The following PTPRD variants were observed in gnomAD, a reference collection of about 807,000 sequenced individuals.
PTPRD encodes the protein protein tyrosine phosphatase receptor type D.
PTPRD carries 34 observed loss-of-function variants against 214.5 expected under a neutral mutation model. The ratio of observed to expected loss-of-function variants is 0.16; its 90% CI spans 0.12 to 0.21. PTPRD has a LOEUF of 0.21. Ranked by LOEUF, PTPRD falls within the 10% of genes least tolerant of loss-of-function variation. The pLI is 1.00. For missense variants in PTPRD, 2,545 were observed against 2,398.7 expected (o/e 1.06, Z -1.27); for synonymous variants, 1,128 against 845.7 (o/e 1.33, Z -5.79).
intron 12 of PTPRD, among the ~76,000 whole-genome samples, chr9:8,674,236 G>A (rs1029655757): frequency 6.6e-5 from 10 of 152,044 alleles, no homozygotes; most frequent in Non-Finnish European, 1.5e-4. Context: ...GAGGCAGGCA[G>A]ATCACAAAGT....
chr9:9,987,774 C>T (rs1588235885), intron 4 of PTPRD, among the ~76,000 whole-genome samples: 1 of 152,156 alleles, frequency 6.6e-6, no homozygotes, highest in South Asian at 2.1e-4. Context: ...TACCTAGCAG[C>T]ATAGTAATGT....
chr9:8,504,450 C>G (rs762600803), intron 22 of PTPRD, 45 bp from the exon 23 acceptor site: 2 of 1,606,748 alleles, frequency 1.2e-6, no homozygotes, highest in Non-Finnish European at 1.7e-6. Context: ...AAGGTTCATG[C>G]AAATACTTTT....
chr9:10,112,893 T>C (rs571986068), intron 3 of PTPRD, among the ~76,000 whole-genome samples: 24 of 152,356 alleles, frequency 1.6e-4, no homozygotes, highest in African/African-American at 5.1e-4. Flanking sequence ...ACCAGTTCTC[T>C]GGTATTTTAG....
chr9:8,475,920 T>G (rs1651358587), intron 30 of PTPRD, among the ~76,000 whole-genome samples: 1 of 152,168 alleles, frequency 6.6e-6, no homozygotes. Context: ...TCTCTGAAAT[T>G]TTCAATTCAC....
intron 44 of PTPRD, among the ~76,000 whole-genome samples, chr9:8,324,227 T>A (rs955271591): frequency 1.3e-5 from 2 of 151,938 alleles, no homozygotes; most frequent in African/African-American, 4.8e-5. Context: ...ATTAGGTATA[T>A]CTCCTGATGC....
chr9:9,002,918 T>C (rs374430544), intron 11 of PTPRD, among the ~76,000 whole-genome samples: 47 of 152,136 alleles, frequency 3.1e-4, no homozygotes, highest in African/African-American at 1.1e-3. Context: ...TGGACCAAGC[T>C]CTTACTGGCT....
At chr9:10,123,430 G>C (rs890594722) in intron 3 of PTPRD, among the ~76,000 whole-genome samples, 2 of 152,150 alleles carry the variant, frequency 1.3e-5, no homozygotes, top group Admixed American at 6.5e-5. Flanking sequence ...GATAGTATTT[G>C]CTTTTATTTG....
intron 9 of PTPRD, among the ~76,000 whole-genome samples, chr9:9,268,951 C>T (rs1256668782): frequency 1.3e-5 from 2 of 149,448 alleles, no homozygotes; most frequent in South Asian, 2.1e-4. Context: ...GTCTGGGCAA[C>T]GATTTTCTGG....
At chr9:9,883,102 A>T (rs1460294476) in intron 5 of PTPRD, among the ~76,000 whole-genome samples, 2 of 152,180 alleles carry the variant, frequency 1.3e-5, no homozygotes, top group Admixed American at 1.3e-4. Flanking sequence ...TTTTAGTTAT[A>T]AATTACCCAG....
At chr9:10,242,387 G>C (rs761763902) in intron 3 of PTPRD, among the ~76,000 whole-genome samples, 1 of 151,938 alleles carries the variant, frequency 6.6e-6, no homozygotes. Context: ...GATTAGAATA[G>C]GGCAGCGCCA....
intron 30 of PTPRD, among the ~76,000 whole-genome samples, chr9:8,473,561 G>C (rs2096702381): frequency 6.6e-6 from 1 of 152,102 alleles, no homozygotes; most frequent in South Asian, 2.1e-4. Flanking sequence ...ATAAAGCAAT[G>C]ATACTGCATA....
rs908221681 is a variant in PTPRD, at chr9:8,317,141, T to C, written c.*733A>G. On this transcript the variant is annotated 3_prime_UTR_variant, in exon 46 of 46. Transcript: ENST00000381196. ...TATCTGACGAGACTGATACTGTAGATTGAGTTTTGCACAAAAATGTGCAAA... is the reference window on the plus strand; with the variant it reads ...TATCTGACGAGACTGATACTGTAGACTGAGTTTTGCACAAAAATGTGCAAA... The C allele has an allele frequency of 4.3e-6, 1 of 231,740 alleles. No homozygotes were observed. Among genetic ancestry groups the C allele is most frequent in the Non-Finnish European group, 8.5e-6 (1 of 116,972 alleles). The allele number at this position is 231,740 out of a possible 1,614,324, so 14.4% of individuals were successfully genotyped here. A position where few individuals can be genotyped will look rare whatever the true frequency, so the allele number is the denominator to read the frequency against.
intron 9 of PTPRD, among the ~76,000 whole-genome samples, chr9:9,339,090 G>A (rs905624129): frequency 2.6e-5 from 4 of 152,088 alleles, no homozygotes; most frequent in Non-Finnish European, 5.9e-5. Context: ...AGTGCCATTG[G>A]GAGGGCTTCT....
rs775781381 is a variant in PTPRD at position 9,721,406 on chromosome 9, T to C, written c.-287+13127A>G. Among the ~76,000 whole-genome samples the C allele has an allele frequency of 2.0e-5, 3 of 152,156 alleles. No homozygotes were observed. The East Asian group carries it at 5.8e-4, about 29-fold the overall frequency. ...AGAGAGAGAAAATAGTCTTGCTCCTTTGTAGAAATAATTTATAAGAATATG... is the reference window on the plus strand; with the variant it reads ...AGAGAGAGAAAATAGTCTTGCTCCTCTGTAGAAATAATTTATAAGAATATG... On this transcript the variant is annotated intron_variant, in intron 7 of 45. Coordinates refer to ENST00000381196, the MANE Select transcript of PTPRD (RefSeq NM_002839.4).
chr9:10,526,375 A>G (rs977286070), intron 2 of PTPRD, among the ~76,000 whole-genome samples: 2 of 152,136 alleles, frequency 1.3e-5, no homozygotes, highest in Non-Finnish European at 2.9e-5. Flanking sequence ...ATTTTTAAGT[A>G]TAATAATTAT....
chr9:9,164,907 G>C (rs1186625892), intron 10 of PTPRD, among the ~76,000 whole-genome samples: 1 of 147,678 alleles, frequency 6.8e-6, no homozygotes, highest in African/African-American at 2.5e-5. Flanking sequence ...CCAGAAATTA[G>C]CCGGGTGTGG....
At chr9:9,473,190 C>G (rs1212404535) in intron 8 of PTPRD, among the ~76,000 whole-genome samples, 3 of 152,092 alleles carry the variant, frequency 2.0e-5, no homozygotes, top group African/African-American at 7.2e-5. Context: ...ATTTTTAGTT[C>G]TCACATATAA....
chr9:8,801,200 A>C (rs1024399675), intron 11 of PTPRD, among the ~76,000 whole-genome samples: 2 of 152,324 alleles, frequency 1.3e-5, no homozygotes, highest in Non-Finnish European at 2.9e-5. Flanking sequence ...TAAACTCAGA[A>C]ATAAAAATGC....
At chr9:9,558,292 G>A (rs2082028265) in intron 8 of PTPRD, among the ~76,000 whole-genome samples, 1 of 152,188 alleles carries the variant, frequency 6.6e-6, no homozygotes, top group Admixed American at 6.5e-5. Context: ...ATGGCTACAT[G>A]GTTGTGATAA....
Sources: allele counts gnomAD v4.1 joint callset (sites outside exome capture counted in the v4.1 genomes callset), GRCh38; gene constraint gnomAD v4.1.1; transcripts MANE v1.5; gene names NCBI Gene and HGNC (gene_info 2026-07-23, HGNC 2026-07-21).